Variants in TEK observed in about 807,000 individuals in gnomAD.
The protein encoded by TEK is angiopoietin-1 receptor.
In TEK, 43 loss-of-function variants were observed where a neutral mutation model predicts 131.8. The ratio of observed to expected loss-of-function variants is 0.33; its 90% CI spans 0.26 to 0.42. TEK has a LOEUF of 0.42. TEK is among the 10% of genes least tolerant of loss of function. TEK has a pLI of 1.00. For synonymous variants in TEK, 580 were observed against 491.6 expected (o/e 1.18, Z -2.38); for missense variants, 1,162 against 1,384.4 (o/e 0.84, Z 2.55).
At chr9:27,198,767 A>G (rs551106091) in intron 12 of TEK, among the ~76,000 whole-genome samples, 2 of 152,288 alleles carry the variant, frequency 1.3e-5, no homozygotes, top group South Asian at 2.1e-4. Context: ...AACCAAAATT[A>G]TGAGTTTGTT....
intron 14 of TEK, 92 bp from the exon 15 acceptor site, chr9:27,206,490 T>C (rs1825403663): frequency 1.5e-6 from 2 of 1,330,210 alleles, no homozygotes; most frequent in African/African-American, 2.9e-5. Flanking sequence ...TATTTCTTTT[T>C]TCATCTGGTG....
chr9:27,192,040 A>G (rs773383803), intron 10 of TEK: 1 of 427,910 alleles, frequency 2.3e-6, no homozygotes, highest in Non-Finnish European at 4.6e-6. Flanking sequence ...TCATTGTAAT[A>G]GTATGACCAT....
intron 1 of TEK, among the ~76,000 whole-genome samples, chr9:27,136,115 T>G (rs1168153928): frequency 7.0e-6 from 1 of 142,322 alleles, no homozygotes. Context: ...GGAGTCTCGC[T>G]CTGTCACTCA....
intron 1 of TEK, among the ~76,000 whole-genome samples, chr9:27,124,024 T>A (rs1821895934): frequency 6.6e-6 from 1 of 152,194 alleles, no homozygotes; most frequent in Non-Finnish European, 1.5e-5. Context: ...TGACCCACCC[T>A]CCTTGGCCTC....
At chr9:27,138,360 TTTTTACAGAGAGCTGATTGGTCCA>T (rs1822584283) in intron 1 of TEK, among the ~76,000 whole-genome samples, 2 of 150,728 alleles carry the variant, frequency 1.3e-5, no homozygotes. Context: ...TGATTGGTCC[TTTTTACAGAGAGCTGATTGGTCCA>T]TTTTACAGAG....
chr9:27,219,566 G>A (rs1012704163), intron 20 of TEK, among the ~76,000 whole-genome samples: 11 of 151,984 alleles, frequency 7.2e-5, no homozygotes, highest in African/African-American at 2.2e-4. Context: ...ATGATGGGTC[G>A]ATAGGTGCAG....
intron 6 of TEK, among the ~76,000 whole-genome samples, chr9:27,176,394 A>G (rs559106677): frequency 6.6e-6 from 1 of 152,346 alleles, no homozygotes; most frequent in South Asian, 2.1e-4. Flanking sequence ...TAGAAACTAA[A>G]AAAATCAAGG....
intron 1 of TEK, among the ~76,000 whole-genome samples, chr9:27,141,342 CA>C (rs1465754612): frequency 6.6e-6 from 1 of 151,962 alleles, no homozygotes; most frequent in African/African-American, 2.4e-5. Context: ...TCAAGTTTTT[CA>C]AAAGTGTTAT....
intron 1 of TEK, among the ~76,000 whole-genome samples, chr9:27,123,696 C>T (rs1260523897): frequency 2.6e-5 from 4 of 152,312 alleles, no homozygotes; most frequent in Admixed American, 1.3e-4. Flanking sequence ...TTAACCTGCT[C>T]ATTTTACAGA....
At chr9:27,195,449 A>G (rs148149816) in intron 11 of TEK, among the ~76,000 whole-genome samples, 27 of 152,272 alleles carry the variant, frequency 1.8e-4, no homozygotes, top group African/African-American at 6.5e-4. Context: ...GATATGCTCT[A>G]TATCTGTTTC....
chr9:27,203,192 C>T, intron 13 of TEK, 73 bp downstream of exon 13: 1 of 1,534,342 alleles, frequency 6.5e-7, no homozygotes. Flanking sequence ...TCAGGACAGG[C>T]CTGTGAGATG....
chr9:27,229,360 C>G lies in TEK; in HGVS notation c.*128C>G, dbSNP rs1220320359. The G allele has an allele frequency of 3.0e-5, 26 of 862,502 alleles. 1 individual carries two copies. The East Asian group carries it at 5.2e-4, about 17-fold the overall frequency. 53.4% of individuals were successfully genotyped at this position (862,502 alleles called of 1,614,324 possible). ...GTACATATGTGCTGTACACCTGGGA[C>G]CTTCACCACTGTAGATCCCATGCAT... On this transcript the variant is annotated 3_prime_UTR_variant, in exon 23 of 23. Transcript: ENST00000380036.
chr9:27,165,415 C>T lies in TEK; in HGVS notation c.365-3080C>T, dbSNP rs74672430. Among the ~76,000 whole-genome samples the T allele has an allele frequency of 2.5e-3, 382 of 152,220 alleles. 3 individuals carry two copies. Among genetic ancestry groups the T allele is most frequent in the African/African-American group, 8.7e-3 (361 of 41,546 alleles). On this transcript the variant is annotated intron_variant, in intron 2 of 22. Coordinates refer to ENST00000380036, the MANE Select transcript of TEK (RefSeq NM_000459.5). ...GAGGTCTAAATGAAGCACTTGGCAA[C>T]GTGAGCAGAAGCCCCACAAAGACAG... is the stretch of plus-strand genomic sequence containing the variant.
chr9:27,179,263 A>G (rs1206078994), intron 6 of TEK, among the ~76,000 whole-genome samples: 1 of 152,160 alleles, frequency 6.6e-6, no homozygotes, highest in South Asian at 2.1e-4. Flanking sequence ...TTGATTTCAA[A>G]TATTGTGTTT....
At chr9:27,177,546 T>C (rs76683341) in intron 6 of TEK, among the ~76,000 whole-genome samples, 2 of 152,056 alleles carry the variant, frequency 1.3e-5, no homozygotes, top group East Asian at 3.9e-4. Context: ...AGGTTGGGAG[T>C]TCGAGACCAG....
intron 17 of TEK, 43 bp downstream of exon 17, chr9:27,212,940 T>C (rs1189432760): frequency 1.2e-6 from 2 of 1,601,614 alleles, no homozygotes; most frequent in Non-Finnish European, 1.7e-6. Flanking sequence ...TCCTGTGGAG[T>C]TCCCTCTAAA....
intron 8 of TEK, among the ~76,000 whole-genome samples, chr9:27,183,860 C>G (rs1447035363): frequency 1.3e-5 from 2 of 152,156 alleles, no homozygotes; most frequent in Non-Finnish European, 2.9e-5. Context: ...AGCTGGGTGC[C>G]AAGGATGGCA....
intron 1 of TEK, among the ~76,000 whole-genome samples, chr9:27,147,157 T>TACC (rs1472386074): frequency 1.6e-4 from 24 of 152,352 alleles, no homozygotes; most frequent in African/African-American, 4.3e-4. Context: ...ACAGTGGCTA[T>TACC]ACCACCCATT....
chr9:27,227,613 G>C (rs1406697717), intron 21 of TEK, among the ~76,000 whole-genome samples: 1 of 152,096 alleles, frequency 6.6e-6, no homozygotes, highest in Non-Finnish European at 1.5e-5. Flanking sequence ...GGCACTAGGG[G>C]CAAAAGAGCT....
Sources: allele counts gnomAD v4.1 joint callset (sites outside exome capture counted in the v4.1 genomes callset), GRCh38; gene constraint gnomAD v4.1.1; transcripts MANE v1.5; gene names NCBI Gene and HGNC (gene_info 2026-07-23, HGNC 2026-07-21).